The following PPIL2 variants were observed in gnomAD, a reference collection of about 807,000 sequenced individuals.
PPIL2 encodes peptidylprolyl isomerase like 2, also known as RING-type E3 ubiquitin-protein ligase PPIL2.
A neutral mutation model predicts 75.2 loss-of-function variants in PPIL2; 50 were observed. That is an observed-to-expected ratio of 0.66 (90% CI 0.53 to 0.84). The LOEUF (loss-of-function observed/expected upper bound fraction) is 0.84. Among genes scored for constraint, PPIL2 ranks in the 40% least tolerant of loss-of-function variants. The pLI is 0.00. For synonymous variants in PPIL2, 245 were observed against 258.8 expected, an observed-to-expected ratio of 0.95 and a Z score of 0.51; for missense variants, 590 against 685.0, an observed-to-expected ratio of 0.86 and a Z score of 1.55.
At chr22:21,683,489 G>A (rs115947300) in intron 9 of PPIL2, among the ~76,000 whole-genome samples, 1,565 of 152,354 alleles carry the variant, frequency 0.01, 22 homozygotes, top group African/African-American at 0.035. Context: ...CCTGCTCCCT[G>A]CAGACTGGCC....
chr22:21,682,533 GT>G lies in PPIL2; in HGVS notation c.477+8del. The G allele has an allele frequency of 6.4e-7, 1 of 1,560,576 alleles. No homozygotes were observed. Among genetic ancestry groups the G allele is most frequent in the South Asian group, 1.1e-5 (1 of 87,948 alleles). Reference sequence around the variant, plus strand: ...GGACATCATCACCCTCCAGGTGAGTGTCCCCTGCCTGCCTGCCCCAGCTGCC... The same window carrying G: ...GGACATCATCACCCTCCAGGTGAGTGCCCCTGCCTGCCTGCCCCAGCTGCC... On this transcript the variant is annotated splice_region_variant and intron_variant, in intron 8 of 19. Transcript: ENST00000398831.
chr22:21,683,176 C>T lies in PPIL2; in HGVS notation c.478-6C>T. ...CACTCTGCTGGGCATTCTCTTTTTG[C>T]CACAGGACCCCACCAATTTGGACAA... On this transcript the variant is annotated splice_region_variant and splice_polypyrimidine_tract_variant and intron_variant, in intron 8 of 19. Coordinates refer to ENST00000398831, the MANE Select transcript of PPIL2 (RefSeq NM_014337.4). 2 of 1,611,624 alleles carry T rather than the reference C, an allele frequency of 1.2e-6. No individual in the cohort carries two copies. Among genetic ancestry groups the T allele is most frequent in the Non-Finnish European group, 1.7e-6 (2 of 1,177,710 alleles).
chr22:21,690,727 T>C (rs2067583484), intron 15 of PPIL2, among the ~76,000 whole-genome samples: 1 of 152,190 alleles, frequency 6.6e-6, no homozygotes, highest in Non-Finnish European at 1.5e-5. Context: ...GTCTGTCATT[T>C]TGAGGGTGCA....
intron 15 of PPIL2, among the ~76,000 whole-genome samples, chr22:21,690,038 C>T (rs766693034): frequency 1.3e-5 from 2 of 152,128 alleles, no homozygotes; most frequent in African/African-American, 2.4e-5. Context: ...GGTGTGGCCC[C>T]TGCATGTTAC....
intron 5 of PPIL2, 88 bp from the exon 6 acceptor site, chr22:21,674,976 A>G (rs2066776865): frequency 7.9e-7 from 1 of 1,259,520 alleles, no homozygotes; most frequent in African/African-American, 1.5e-5. Flanking sequence ...GCCTAGTCAG[A>G]GACTTTTCCT....
At position 21,697,029 on chromosome 22, in the gene PPIL2, C is replaced by T. The variant is rs1193553980; in HGVS notation, c.*1539C>T. On this transcript the variant is annotated 3_prime_UTR_variant, in exon 20 of 20. Coordinates refer to ENST00000398831, the MANE Select transcript of PPIL2 (RefSeq NM_014337.4). ...GCCCATCCCTCTGCAGCCTGTCATCCCTGTCTGTGACCATTGGTCGGGCCC... is the reference window on the plus strand; with the variant it reads ...GCCCATCCCTCTGCAGCCTGTCATCTCTGTCTGTGACCATTGGTCGGGCCC... 3.9e-6 allele frequency: 6 copies of T among 1,531,920 alleles called. No individual in the cohort carries two copies. The highest frequency in any genetic ancestry group is 3.6e-5 in the South Asian group (3 of 83,322). 94.9% of individuals were successfully genotyped at this position (1,531,920 alleles called of 1,614,324 possible).
intron 6 of PPIL2, among the ~76,000 whole-genome samples, chr22:21,677,856 T>G (rs1386176733): frequency 6.6e-6 from 1 of 152,026 alleles, no homozygotes; most frequent in Non-Finnish European, 1.5e-5. Flanking sequence ...GCTGCTTGTG[T>G]GTGTAGAGCA....
chr22:21,695,161 C>A, intron 19 of PPIL2, 91 bp downstream of exon 19: 1 of 1,455,800 alleles, frequency 6.9e-7, no homozygotes, highest in Non-Finnish European at 9.1e-7. Context: ...GGCAAGCAAG[C>A]TATGGGCACT....
At chr22:21,693,058 T>C (rs1270772294) in intron 15 of PPIL2, among the ~76,000 whole-genome samples, 1 of 152,032 alleles carries the variant, frequency 6.6e-6, no homozygotes, top group African/African-American at 2.4e-5. Context: ...CCTTTTTTCT[T>C]TTTCTTTTTT....
At position 21,695,791 on chromosome 22, in the gene PPIL2, G is replaced by A; in HGVS notation, c.*301G>A. Reference sequence around the variant, plus strand: ...CTCAGGCCTCCCCTCTAGTAGGCAGGCCAGGTTAGTGAGGAAGGACTGTGT... The same window carrying A: ...CTCAGGCCTCCCCTCTAGTAGGCAGACCAGGTTAGTGAGGAAGGACTGTGT... On this transcript the variant is annotated 3_prime_UTR_variant, in exon 20 of 20. Coordinates refer to ENST00000398831, the MANE Select transcript of PPIL2 (RefSeq NM_014337.4). The A allele has an allele frequency of 1.6e-6, 2 of 1,228,206 alleles. No individual in the cohort carries two copies. Among genetic ancestry groups the A allele is most frequent in the Non-Finnish European group, 2.1e-6 (2 of 971,540 alleles). The allele number at this position is 1,228,206 out of a possible 1,614,324, so 76.1% of individuals were successfully genotyped here.
chr22:21,696,146 G>C lies in PPIL2; in HGVS notation c.*656G>C. ...CTCTGCAGGGTGGGCTTCTCGGTCT[G>C]TTTTGACAAAACTTCAGGGGCTTCT... On this transcript the variant is annotated 3_prime_UTR_variant, in exon 20 of 20. Coordinates refer to ENST00000398831, the MANE Select transcript of PPIL2 (RefSeq NM_014337.4). 2 of 998,046 alleles carry C rather than the reference G, an allele frequency of 2.0e-6. No homozygotes were observed. Among genetic ancestry groups the C allele is most frequent in the South Asian group, 4.3e-5 (1 of 23,014 alleles). The allele number at this position is 998,046 out of a possible 1,614,324, so 61.8% of individuals were successfully genotyped here.
Position 21,696,931 on chromosome 22 carries a change from T to C in PPIL2, c.*1441T>C. ...GTATGTCTGCCCCTCGTCACCCTGC[T>C]GCACACCAATCTGTGGCCCTTCATC... On this transcript the variant is annotated 3_prime_UTR_variant, in exon 20 of 20. Coordinates refer to ENST00000398831, the MANE Select transcript of PPIL2 (RefSeq NM_014337.4). 6.3e-7 allele frequency: 1 copy of C among 1,586,698 alleles called. No homozygotes were observed. Among genetic ancestry groups the C allele is most frequent in the South Asian group, 1.2e-5 (1 of 86,312 alleles).
chr22:21,692,351 T>TA (rs1364407735), intron 15 of PPIL2, among the ~76,000 whole-genome samples: 1 of 151,430 alleles, frequency 6.6e-6, no homozygotes, highest in Admixed American at 6.6e-5. Flanking sequence ...AGATGGGGTT[T>TA]CACCGTGTTA....
intron 16 of PPIL2, 44 bp from the exon 17 acceptor site, chr22:21,694,549 C>A (rs1002858768): frequency 1.2e-6 from 2 of 1,606,210 alleles, no homozygotes; most frequent in African/African-American, 2.7e-5. Context: ...GTGGGGGTGC[C>A]CTCCTTGAGC....
chr22:21,671,092 T>C (rs761058691), intron 4 of PPIL2, 33 bp downstream of exon 4: 11 of 1,579,144 alleles, frequency 7.0e-6, no homozygotes, highest in Non-Finnish European at 7.0e-6. Flanking sequence ...ATCTAACAAA[T>C]GTGAGATTCT....
At chr22:21,668,642 T>A (rs1050442325) in intron 1 of PPIL2, among the ~76,000 whole-genome samples, 3 of 147,402 alleles carry the variant, frequency 2.0e-5, no homozygotes, top group African/African-American at 2.5e-5. Flanking sequence ...AAAAAATAAA[T>A]AAAATAAATA....
chr22:21,695,713 G>T lies in PPIL2; in HGVS notation c.*223G>T. 7.3e-7 allele frequency: 1 copy of T among 1,361,322 alleles called. No individual in the cohort carries two copies. Among genetic ancestry groups the T allele is most frequent in the Non-Finnish European group, 9.5e-7 (1 of 1,053,168 alleles). 84.3% of individuals were successfully genotyped at this position (1,361,322 alleles called of 1,614,324 possible). A position where few individuals can be genotyped will look rare whatever the true frequency, so the allele number is the denominator to read the frequency against. ...GTTTCCAGGACCTGGCCCAGCCAGA[G>T]CCCACTGCTGGGACCTTCAAGCACA... On this transcript the variant is annotated 3_prime_UTR_variant, in exon 20 of 20. Coordinates refer to ENST00000398831, the MANE Select transcript of PPIL2 (RefSeq NM_014337.4).
intron 15 of PPIL2, among the ~76,000 whole-genome samples, chr22:21,691,591 A>G (rs894654843): frequency 9.9e-5 from 15 of 152,078 alleles, no homozygotes; most frequent in African/African-American, 3.6e-4. Flanking sequence ...GAGGCAGGAG[A>G]ATGGCGTGAA....
At position 21,696,179 on chromosome 22, in the gene PPIL2, G is replaced by A; in HGVS notation, c.*689G>A. On this transcript the variant is annotated 3_prime_UTR_variant, in exon 20 of 20. Coordinates refer to ENST00000398831, the MANE Select transcript of PPIL2 (RefSeq NM_014337.4). ...AAAACTTCAGGGGCTTCTGAAGGCT[G>A]GTGTTGGACGGCAGCATTGAGTTTC... is the stretch of plus-strand genomic sequence containing the variant. The A allele has an allele frequency of 2.0e-6, 2 of 999,602 alleles. No homozygotes were observed. The highest frequency in any genetic ancestry group is 2.4e-6 in the Non-Finnish European group (2 of 837,646). 61.9% of individuals were successfully genotyped at this position (999,602 alleles called of 1,614,324 possible).
Sources: allele counts gnomAD v4.1 joint callset (sites outside exome capture counted in the v4.1 genomes callset), GRCh38; gene constraint gnomAD v4.1.1; transcripts MANE v1.5; gene names NCBI Gene and HGNC (gene_info 2026-07-23, HGNC 2026-07-21).